The following TTLL1 variants were observed in gnomAD, a reference collection of about 807,000 sequenced individuals.
TTLL1 encodes TTL family tubulin polyglutamylase complex subunit L1.
Under a neutral mutation model 47.8 loss-of-function variants are expected in TTLL1, and 33 were observed. That is an observed-to-expected ratio of 0.69 (90% CI 0.52 to 0.92). TTLL1 has a LOEUF of 0.92. Among genes scored for constraint, TTLL1 ranks in the 40% least tolerant of loss-of-function variants. TTLL1 has a pLI of 0.00. For synonymous variants in TTLL1, 225 were observed against 214.1 expected, an observed-to-expected ratio of 1.05 and a Z score of -0.45; for missense variants, 488 against 547.5, an observed-to-expected ratio of 0.89 and a Z score of 1.08.
intron 1 of TTLL1, among the ~76,000 whole-genome samples, chr22:43,080,744 A>T (rs539846165): frequency 9.7e-6 from 1 of 102,654 alleles, no homozygotes; most frequent in East Asian, 2.0e-4. Context: ...CCTTAGCTGG[A>T]TGGAGCTAAG....
At chr22:43,051,377 A>G (rs1173120986) in intron 9 of TTLL1, among the ~76,000 whole-genome samples, 1 of 152,254 alleles carries the variant, frequency 6.6e-6, no homozygotes, top group African/African-American at 2.4e-5. Context: ...TATATGCCAA[A>G]GAAGAGCAGG....
rs1307696813 is a variant in TTLL1 at position 43,039,807 on chromosome 22, G to A, written c.1241C>T (p.Ser414Leu). The A allele has an allele frequency of 6.2e-6, 10 of 1,613,744 alleles. 1 individual carries two copies. The highest frequency in any genetic ancestry group is 5.5e-5 in the South Asian group (5 of 91,054). ...CCAGGTGGTGAGGACCGCTCTCCCC[G>A]AGTCTCTCGATCGGCCTGCTCTGGG... Reference protein sequence around the residue: ...LGPRAGRSRDSGRAVLTTWK With the variant: ...LGPRAGRSRDLGRAVLTTWK The change falls in exon 11 of 11, where the codon TCG (serine) becomes TTG (leucine). Residue 414 changes from serine (S) to leucine (L), a missense_variant. Ser to Leu is a moderately radical substitution (Grantham distance 145, BLOSUM62 -2). Transcript: ENST00000266254.
At chr22:43,048,116 G>T (rs1020629783) in intron 9 of TTLL1, among the ~76,000 whole-genome samples, 1 of 151,974 alleles carries the variant, frequency 6.6e-6, no homozygotes, top group African/African-American at 2.4e-5. Flanking sequence ...AAGAGTTCGA[G>T]ACCAGCTTGG....
At chr22:43,075,096 C>T (rs182553929) in intron 3 of TTLL1, among the ~76,000 whole-genome samples, 135 of 152,256 alleles carry the variant, frequency 8.9e-4, no homozygotes, top group African/African-American at 3.1e-3. Flanking sequence ...ACCCAGGAGG[C>T]AGAGATTGCA....
rs983338792 is a variant in TTLL1, at chr22:43,069,958, C to T, written c.114-114G>A. 1.0e-4 allele frequency: 153 copies of T among 1,457,312 alleles called. 1 individual carries two copies. In the Admixed American group the frequency reaches 1.3e-3, roughly 12 times the overall value. 90.3% of individuals were successfully genotyped at this position (1,457,312 alleles called of 1,614,324 possible). ...TCAGCACCCTTCACCACTACTCCCACATCCCCTGGCACCTGAGCCAGGGGT... is the reference window on the plus strand; with the variant it reads ...TCAGCACCCTTCACCACTACTCCCATATCCCCTGGCACCTGAGCCAGGGGT... On this transcript the variant is annotated intron_variant, in intron 3 of 10. Transcript: ENST00000266254.
At chr22:43,082,971 G>A (rs1227903241) in intron 1 of TTLL1, among the ~76,000 whole-genome samples, 1 of 151,014 alleles carries the variant, frequency 6.6e-6, no homozygotes, top group Non-Finnish European at 1.5e-5. Flanking sequence ...CCGAGATCGT[G>A]CCATTGCACT....
intron 3 of TTLL1, chr22:43,070,387 T>G: frequency 2.5e-6 from 1 of 403,196 alleles, no homozygotes; most frequent in Admixed American, 3.1e-5. Flanking sequence ...AGCCACGGTC[T>G]CCCCGCCACA....
At chr22:43,078,995 G>A (rs113633734) in intron 2 of TTLL1, among the ~76,000 whole-genome samples, 374 of 55,834 alleles carry the variant, frequency 6.7e-3, no homozygotes, top group East Asian at 0.055. Flanking sequence ...CCACAGACAC[G>A]GGGACCACGG....
chr22:43,054,353 G>A (rs1219512220), intron 8 of TTLL1, among the ~76,000 whole-genome samples: 2 of 151,886 alleles, frequency 1.3e-5, no homozygotes, highest in African/African-American at 4.8e-5. Flanking sequence ...CTGTGCTCAC[G>A]CACCACTTTG....
intron 2 of TTLL1, among the ~76,000 whole-genome samples, chr22:43,076,574 A>G (rs1387129735): frequency 6.6e-6 from 1 of 151,426 alleles, no homozygotes; most frequent in African/African-American, 2.4e-5. Flanking sequence ...ACACGGTGAA[A>G]CCCTGTCTCT....
Position 43,075,582 on chromosome 22 carries a change from G to C in TTLL1, c.5C>G (p.Ala2Gly). 2 of 1,613,846 alleles carry C rather than the reference G, an allele frequency of 1.2e-6. No individual in the cohort carries two copies. Among genetic ancestry groups the C allele is most frequent in the Non-Finnish European group, 1.7e-6 (2 of 1,179,744 alleles). The change falls in exon 3 of 11, where the codon GCA becomes GGA. Residue 2 changes from alanine to glycine, a missense_variant. Transcript: ENST00000266254. Reference sequence around the variant, plus strand: ...ATCAGTGACCCATTTTACTTTCCCTGCCATAATCCTGGAAGAGATCAAAAT... The same window carrying C: ...ATCAGTGACCCATTTTACTTTCCCTCCCATAATCCTGGAAGAGATCAAAAT... M[A>G]GKVKWVTDIE...
Position 43,063,869 on chromosome 22 carries a change from T to G in TTLL1, c.691A>C (p.Ser231Arg), listed in dbSNP as rs1399379136. Reference sequence around the variant, plus strand: ...TGAACGAACATGTTGTCCAGCTCACTGGTACTCGGGGTGTATTTCACTGTG... The same window carrying G: ...TGAACGAACATGTTGTCCAGCTCACGGGTACTCGGGGTGTATTTCACTGTG... ...FCTVKYTPST[S>R]ELDNMFVHLT... Residue 231 changes from serine (S) to arginine (R), a missense_variant, in exon 7 of 11, where the codon AGT becomes CGT. By Grantham distance (110) the Ser-to-Arg change is moderately radical. Transcript: ENST00000266254. The G allele has an allele frequency of 6.2e-7, 1 of 1,614,010 alleles. No homozygotes were observed. The highest frequency in any genetic ancestry group is 2.2e-5 in the East Asian group (1 of 44,894).
intron 1 of TTLL1, among the ~76,000 whole-genome samples, chr22:43,081,221 G>GA (rs1315628216): frequency 6.6e-6 from 1 of 151,894 alleles, no homozygotes; most frequent in African/African-American, 2.4e-5. Context: ...CGGCTGCACA[G>GA]AATCTTTCCA....
intron 9 of TTLL1, among the ~76,000 whole-genome samples, chr22:43,047,059 T>C (rs1287424158): frequency 6.6e-6 from 1 of 152,184 alleles, no homozygotes; most frequent in African/African-American, 2.4e-5. Context: ...AGCTGTTCAA[T>C]GAAATATAAG....
intron 10 of TTLL1, among the ~76,000 whole-genome samples, chr22:43,045,465 TA>T (rs1486198215): frequency 2.8e-5 from 4 of 140,714 alleles, no homozygotes; most frequent in African/African-American, 1.1e-4. Flanking sequence ...GATCTTATTA[TA>T]CCCATTTTTT....
intron 1 of TTLL1, among the ~76,000 whole-genome samples, chr22:43,085,693 T>C (rs747391178): frequency 6.6e-6 from 1 of 152,192 alleles, no homozygotes; most frequent in African/African-American, 2.4e-5. Context: ...ATTAGCAGCA[T>C]GAGAACAGAC....
chr22:43,080,902 C>CTTTTTCTT lies in TTLL1; in HGVS notation c.-89-917_-89-916insAAGAAAAA, dbSNP rs1928833866. Among the ~76,000 whole-genome samples, 71 of 69,312 alleles carry CTTTTTCTT rather than the reference C, an allele frequency of 1.0e-3. 4 individuals carry two copies. Among genetic ancestry groups the CTTTTTCTT allele is most frequent in the Middle Eastern group, 7.9e-3 (1 of 126 alleles). 45.5% of individuals were successfully genotyped at this position (69,312 alleles called of 152,430 possible). On this transcript the variant is annotated intron_variant, in intron 1 of 10. Transcript: ENST00000266254. ...GTCACCTGTTCCCAGTGTTGCATGA[C>CTTTTTCTT]TTTTTTTTTTTTTTTTTTTTTTTTT...
chr22:43,044,166 T>C (rs1258234594), intron 10 of TTLL1, among the ~76,000 whole-genome samples: 2 of 149,850 alleles, frequency 1.3e-5, no homozygotes, highest in East Asian at 3.9e-4. Context: ...CATCGCAAGC[T>C]CCCAATCCTG....
intron 1 of TTLL1, among the ~76,000 whole-genome samples, chr22:43,082,141 C>T (rs947141222): frequency 6.7e-6 from 1 of 150,090 alleles, no homozygotes; most frequent in Non-Finnish European, 1.5e-5. Context: ...TGTGAGTCAC[C>T]GCACCTGGAC....
Sources: gnomAD v4.1 joint callset for allele counts (sites outside exome capture counted in the v4.1 genomes callset) on GRCh38, gnomAD v4.1.1 for gene constraint, MANE v1.5 for transcripts, NCBI Gene and HGNC (gene_info 2026-07-23, HGNC 2026-07-21) for gene names.